Variants in CNTN6 observed in about 807,000 individuals in gnomAD.
The protein encoded by CNTN6 is contactin-6.
In CNTN6, 137 loss-of-function variants were observed where a neutral mutation model predicts 122.8. That is an observed-to-expected ratio of 1.12 (90% CI 0.97 to 1.29). The LOEUF (loss-of-function observed/expected upper bound fraction) is 1.29. CNTN6 is among the 50% of genes most tolerant of loss of function. The probability of loss-of-function intolerance (pLI) is 0.00; values close to 1 mark genes in which losing one functional copy is unlikely to be tolerated. For synonymous variants in CNTN6, 570 were observed against 426.0 expected, an observed-to-expected ratio of 1.34 and a Z score of -4.16; for missense variants, 1,634 against 1,223.4, an observed-to-expected ratio of 1.34 and a Z score of -5.01.
intron 4 of CNTN6, among the ~76,000 whole-genome samples, chr3:1,269,386 C>G (rs549113366): frequency 1.3e-5 from 2 of 152,300 alleles, no homozygotes; most frequent in South Asian, 2.1e-4. Flanking sequence ...ACCTTCCTTT[C>G]AGGAACACCA....
At chr3:1,130,256 G>C (rs1365510630) in intron 1 of CNTN6, among the ~76,000 whole-genome samples, 1 of 151,976 alleles carries the variant, frequency 6.6e-6, no homozygotes, top group East Asian at 1.9e-4. Flanking sequence ...AGCAGATGCT[G>C]TCTATGCCCT....
At chr3:1,179,974 C>T (rs1193621034) in intron 2 of CNTN6, among the ~76,000 whole-genome samples, 1 of 152,156 alleles carries the variant, frequency 6.6e-6, no homozygotes, top group African/African-American at 2.4e-5. Context: ...AGGCACATAT[C>T]TTTTTTTAGG....
At chr3:1,271,295 C>A (rs6766488) in intron 4 of CNTN6, among the ~76,000 whole-genome samples, 2 of 152,112 alleles carry the variant, frequency 1.3e-5, no homozygotes, top group Admixed American at 6.5e-5. Context: ...AACATCTTGG[C>A]AGATGAAAGC....
intron 4 of CNTN6, among the ~76,000 whole-genome samples, chr3:1,232,490 C>T (rs370352363): frequency 4.6e-5 from 7 of 152,200 alleles, no homozygotes; most frequent in South Asian, 4.1e-4. Flanking sequence ...AAAGTGCTAA[C>T]GCCTACAAAG....
At chr3:1,098,156 A>G (rs9881545) in intron 1 of CNTN6, among the ~76,000 whole-genome samples, 26,630 of 151,888 alleles carry the variant, frequency 0.18, 4,857 homozygotes, top group African/African-American at 0.47. Flanking sequence ...TAGTGGGTGC[A>G]GTGCACCAGC....
chr3:1,329,290 T>C (rs998296953), intron 10 of CNTN6, among the ~76,000 whole-genome samples: 2 of 151,610 alleles, frequency 1.3e-5, no homozygotes, highest in Non-Finnish European at 3.0e-5. Context: ...TGTATGTATA[T>C]GACATGTATG....
At chr3:1,282,609 G>A (rs960135603) in intron 5 of CNTN6, among the ~76,000 whole-genome samples, 5 of 152,170 alleles carry the variant, frequency 3.3e-5, no homozygotes, top group Admixed American at 6.5e-5. Context: ...AAATATTTCC[G>A]AGAAATGTAG....
intron 12 of CNTN6, among the ~76,000 whole-genome samples, chr3:1,357,842 T>C (rs1706825379): frequency 6.6e-6 from 1 of 150,622 alleles, no homozygotes; most frequent in Admixed American, 6.7e-5. Flanking sequence ...TATATGTAAA[T>C]TTTACATAAA....
chr3:1,392,420 G>T (rs1255781974), intron 20 of CNTN6, among the ~76,000 whole-genome samples: 1 of 152,162 alleles, frequency 6.6e-6, no homozygotes, highest in Non-Finnish European at 1.5e-5. Flanking sequence ...ATGGATTAAA[G>T]ACTTAAATGT....
chr3:1,226,232 C>T (rs2094281746), intron 3 of CNTN6, among the ~76,000 whole-genome samples: 1 of 152,020 alleles, frequency 6.6e-6, no homozygotes, highest in African/African-American at 2.4e-5. Context: ...CCACTCCCAC[C>T]AAAATATTTT....
intron 20 of CNTN6, among the ~76,000 whole-genome samples, chr3:1,386,936 A>AAGTT (rs773463822): frequency 2.3e-4 from 35 of 152,012 alleles, no homozygotes; most frequent in Middle Eastern, 3.4e-3. Flanking sequence ...TGTCCAAAAG[A>AAGTT]AGTTAGTTAG....
Position 1,383,357 on chromosome 3 carries a change from ATGGAATGCTATTGCC to A in CNTN6, c.2473_2487del (p.Ala825_Asn829del). ...TTTCTGCTTCTGAAATGGAGGTTTCATGGAATGCTATTGCCTGGAATAGAAACACTGGAAGAGTGC... is the reference window on the plus strand; with the variant it reads ...TTTCTGCTTCTGAAATGGAGGTTTCATGGAATAGAAACACTGGAAGAGTGC... On this transcript the variant is annotated inframe_deletion, in exon 19 of 23. Coordinates refer to ENST00000446702, the MANE Select transcript of CNTN6 (RefSeq NM_001289080.2). The A allele has an allele frequency of 1.2e-6, 2 of 1,614,048 alleles. No individual in the cohort carries two copies. The highest frequency in any genetic ancestry group is 1.7e-6 in the Non-Finnish European group (2 of 1,179,904).
chr3:1,212,868 T>C (rs75575879), intron 2 of CNTN6, among the ~76,000 whole-genome samples: 1,624 of 152,206 alleles, frequency 0.011, 41 homozygotes, highest in African/African-American at 0.036. Flanking sequence ...AACAATTAGT[T>C]GAAACTAGAC....
chr3:1,203,431 G>A (rs563529594), intron 2 of CNTN6, among the ~76,000 whole-genome samples: 1 of 152,268 alleles, frequency 6.6e-6, no homozygotes, highest in South Asian at 2.1e-4. Context: ...CTTTTCTGAC[G>A]AATTTGGTGG....
chr3:1,396,038 G>C (rs1287303142), intron 20 of CNTN6, among the ~76,000 whole-genome samples: 1 of 151,954 alleles, frequency 6.6e-6, no homozygotes, highest in Non-Finnish European at 1.5e-5. Context: ...ACCTCAAACT[G>C]CTTTGAAATT....
chr3:1,291,785 A>G (rs1695373717), intron 5 of CNTN6, among the ~76,000 whole-genome samples: 1 of 152,228 alleles, frequency 6.6e-6, no homozygotes, highest in Non-Finnish European at 1.5e-5. Flanking sequence ...ACGTCAGTAA[A>G]GAAACTGAAG....
chr3:1,387,700 TGA>T, intron 20 of CNTN6, among the ~76,000 whole-genome samples: 1 of 152,202 alleles, frequency 6.6e-6, no homozygotes, highest in African/African-American at 2.4e-5. Flanking sequence ...GGTCAGTGGG[TGA>T]GCGCACCGTG....
chr3:1,176,194 G>A (rs2093444788), intron 2 of CNTN6, among the ~76,000 whole-genome samples: 1 of 152,186 alleles, frequency 6.6e-6, no homozygotes, highest in African/African-American at 2.4e-5. Context: ...GGGGCGGGCG[G>A]ATCAACTAAG....
At chr3:1,150,027 C>T (rs551342461) in intron 2 of CNTN6, among the ~76,000 whole-genome samples, 2 of 151,890 alleles carry the variant, frequency 1.3e-5, no homozygotes, top group Non-Finnish European at 2.9e-5. Context: ...CCTTGGTGCA[C>T]AATTTCATTG....
Sources: gnomAD v4.1 joint callset for allele counts (sites outside exome capture counted in the v4.1 genomes callset) on GRCh38, gnomAD v4.1.1 for gene constraint, MANE v1.5 for transcripts, NCBI Gene and HGNC (gene_info 2026-07-23, HGNC 2026-07-21) for gene names.